GFOD1: variants seen among roughly 807,000 people sequenced by gnomAD.
The protein encoded by GFOD1 is glucose-fructose oxidoreductase domain-containing protein 1.
In GFOD1, 9 loss-of-function variants were observed where a neutral mutation model predicts 25.4. That is an observed-to-expected ratio of 0.35 (90% CI 0.21 to 0.62). The LOEUF is 0.62. GFOD1 is among the 20% of genes least tolerant of loss of function. The pLI is 0.72. For missense variants in GFOD1, 403 were observed against 556.9 expected, an observed-to-expected ratio of 0.72 and a Z score of 2.78; for synonymous variants, 253 against 245.6, an observed-to-expected ratio of 1.03 and a Z score of -0.28.
At chr6:13,411,416 C>G (rs546074977) in intron 1 of GFOD1, among the ~76,000 whole-genome samples, 1 of 152,130 alleles carries the variant, frequency 6.6e-6, no homozygotes, top group Non-Finnish European at 1.5e-5. Flanking sequence ...CTCAGCCTCC[C>G]GAGTAGCTGG....
intron 1 of GFOD1, among the ~76,000 whole-genome samples, chr6:13,409,469 C>A (rs942103336): frequency 6.6e-6 from 1 of 152,166 alleles, no homozygotes; most frequent in South Asian, 2.1e-4. Flanking sequence ...CGTCAAGTAA[C>A]CATCATGAGA....
intron 1 of GFOD1, among the ~76,000 whole-genome samples, chr6:13,377,251 T>C (rs1387737320): frequency 6.6e-6 from 1 of 152,210 alleles, no homozygotes; most frequent in African/African-American, 2.4e-5. Context: ...GTATTGCTGC[T>C]ATAACAAACC....
At chr6:13,382,347 T>TGGGG in intron 1 of GFOD1, among the ~76,000 whole-genome samples, 1 of 143,670 alleles carries the variant, frequency 7.0e-6, no homozygotes, top group East Asian at 2.1e-4. Context: ...AATTGAATCA[T>TGGGG]GGGGGGGGGG....
intron 1 of GFOD1, among the ~76,000 whole-genome samples, chr6:13,471,173 C>A (rs1484248892): frequency 6.6e-6 from 1 of 152,110 alleles, no homozygotes; most frequent in African/African-American, 2.4e-5. Context: ...AAATTCCTCC[C>A]CCTGGCCCAG....
chr6:13,405,679 C>T (rs1231758647), intron 1 of GFOD1, among the ~76,000 whole-genome samples: 3 of 152,142 alleles, frequency 2.0e-5, no homozygotes, highest in Admixed American at 6.5e-5. Flanking sequence ...TGCTGGTGAC[C>T]GTGGCTATAG....
At chr6:13,393,437 C>T (rs562870664) in intron 1 of GFOD1, among the ~76,000 whole-genome samples, 8 of 150,708 alleles carry the variant, frequency 5.3e-5, no homozygotes, top group African/African-American at 1.7e-4. Flanking sequence ...TAGTCATGCC[C>T]CTTCCCCTGC....
chr6:13,367,678 G>C (rs972066788), intron 1 of GFOD1, among the ~76,000 whole-genome samples: 2 of 151,798 alleles, frequency 1.3e-5, no homozygotes, highest in Admixed American at 6.6e-5. Flanking sequence ...AATGAGAAAG[G>C]GATTTATTTC....
At chr6:13,432,721 C>T (rs1757770940) in intron 1 of GFOD1, among the ~76,000 whole-genome samples, 1 of 152,168 alleles carries the variant, frequency 6.6e-6, no homozygotes, top group Non-Finnish European at 1.5e-5. Flanking sequence ...CAGCCTGTGG[C>T]CTGTGCACAT....
intron 1 of GFOD1, among the ~76,000 whole-genome samples, chr6:13,413,297 G>A (rs1031271204): frequency 5.3e-5 from 8 of 152,186 alleles, no homozygotes; most frequent in African/African-American, 1.9e-4. Flanking sequence ...GCACTATGGG[G>A]AGCAGGCCAC....
intron 1 of GFOD1, among the ~76,000 whole-genome samples, chr6:13,443,678 T>A (rs1385655981): frequency 2.0e-5 from 3 of 151,958 alleles, no homozygotes; most frequent in Non-Finnish European, 4.4e-5. Context: ...TAGCTGGGCA[T>A]GGTGGTGGGC....
At chr6:13,469,712 T>C (rs1175688774) in intron 1 of GFOD1, 9 of 1,184,124 alleles carry the variant, frequency 7.6e-6, no homozygotes, top group Admixed American at 3.7e-5. Context: ...TAGACATATC[T>C]ATATTTCAGA....
intron 1 of GFOD1, among the ~76,000 whole-genome samples, chr6:13,421,091 T>C (rs889777078): frequency 6.6e-6 from 1 of 152,208 alleles, no homozygotes; most frequent in African/African-American, 2.4e-5. Flanking sequence ...TATAACATTG[T>C]TATTTTGAAT....
At chr6:13,470,231 A>G (rs756967808) in intron 1 of GFOD1, 1 of 1,596,642 alleles carries the variant, frequency 6.3e-7, no homozygotes, top group Admixed American at 1.7e-5. Context: ...GGGACTGGAA[A>G]GAAGGGCAAT....
chr6:13,415,468 C>T (rs537660928), intron 1 of GFOD1, among the ~76,000 whole-genome samples: 1 of 152,300 alleles, frequency 6.6e-6, no homozygotes, highest in African/African-American at 2.4e-5. Context: ...GCTCAGAACA[C>T]AACACAACTC....
chr6:13,475,448 G>T (rs983015739), intron 1 of GFOD1, among the ~76,000 whole-genome samples: 1 of 151,546 alleles, frequency 6.6e-6, no homozygotes, highest in Non-Finnish European at 1.5e-5. Flanking sequence ...GGTGGCTCAC[G>T]CCTGTAATCC....
intron 1 of GFOD1, among the ~76,000 whole-genome samples, chr6:13,381,480 G>A (rs977962966): frequency 2.6e-5 from 4 of 152,226 alleles, no homozygotes; most frequent in South Asian, 2.1e-4. Flanking sequence ...TCCCAGCGGA[G>A]CTGAAAAGGT....
At chr6:13,370,925 C>T (rs1490589537) in intron 1 of GFOD1, among the ~76,000 whole-genome samples, 1 of 152,204 alleles carries the variant, frequency 6.6e-6, no homozygotes, top group Non-Finnish European at 1.5e-5. Context: ...CTGCAAACTG[C>T]CTGTCTGTCA....
At chr6:13,417,202 G>A (rs1376074377) in intron 1 of GFOD1, among the ~76,000 whole-genome samples, 3 of 152,208 alleles carry the variant, frequency 2.0e-5, no homozygotes, top group Non-Finnish European at 2.9e-5. Flanking sequence ...CACCCAGGCT[G>A]GAGTGCAGTG....
intron 1 of GFOD1, among the ~76,000 whole-genome samples, chr6:13,456,179 T>G (rs1327125721): frequency 6.6e-6 from 1 of 152,184 alleles, no homozygotes; most frequent in African/African-American, 2.4e-5. Flanking sequence ...TCTTTTATTT[T>G]TTGAGACAGG....
Sources: allele counts gnomAD v4.1 joint callset (sites outside exome capture counted in the v4.1 genomes callset), GRCh38; gene constraint gnomAD v4.1.1; transcripts MANE v1.5; gene names NCBI Gene and HGNC (gene_info 2026-07-23, HGNC 2026-07-21).